The following KIF23 variants were observed in gnomAD, a reference collection of about 807,000 sequenced individuals.
KIF23 encodes kinesin-like protein KIF23.
KIF23 carries 30 observed loss-of-function variants against 137.5 expected under a neutral mutation model. The ratio of observed to expected loss-of-function variants is 0.22; its 90% confidence interval spans 0.16 to 0.30. The LOEUF (loss-of-function observed/expected upper bound fraction) is 0.30. Ranked by LOEUF, KIF23 falls within the 10% of genes least tolerant of loss-of-function variation. KIF23 has a pLI of 1.00. For missense variants in KIF23, 920 were observed against 1,194.3 expected (o/e 0.77, Z 3.38); for synonymous variants, 367 against 391.1 (o/e 0.94, Z 0.73).
intron 10 of KIF23, chr15:69,427,580 G>A (rs1249536024): frequency 7.6e-6 from 3 of 396,384 alleles, no homozygotes; most frequent in Non-Finnish European, 1.5e-5. Flanking sequence ...AGTGGCTAGT[G>A]TTATAAGTTG....
intron 11 of KIF23, among the ~76,000 whole-genome samples, chr15:69,433,299 A>G (rs2057398447): frequency 6.6e-6 from 1 of 152,238 alleles, no homozygotes; most frequent in African/African-American, 2.4e-5. Context: ...GCTGACCTCA[A>G]TCAAGGTTTC....
At position 69,440,299 on chromosome 15, in the gene KIF23, A is replaced by G; in HGVS notation, c.1930-9A>G. The G allele has an allele frequency of 6.2e-7, 1 of 1,606,248 alleles. No individual in the cohort carries two copies. Among genetic ancestry groups the G allele is most frequent in the Non-Finnish European group, 8.5e-7 (1 of 1,176,990 alleles). On this transcript the variant is annotated splice_polypyrimidine_tract_variant and intron_variant, in intron 17 of 23. Transcript: ENST00000679126. ...AATGATAATATACATTGCCACTGATAATCTGTAGGAGCGTAGAGTGGCAGC... is the reference window on the plus strand; with the variant it reads ...AATGATAATATACATTGCCACTGATGATCTGTAGGAGCGTAGAGTGGCAGC...
chr15:69,440,602 C>G, intron 18 of KIF23, 115 bp downstream of exon 18: 1 of 1,182,676 alleles, frequency 8.5e-7, no homozygotes. Context: ...TGAAATTTCT[C>G]TAAAAATATT....
In KIF23 at chr15:69,414,741, G is replaced by C. The variant is rs1216262491; in HGVS notation, c.11+265G>C. The C allele has an allele frequency of 7.8e-6, 3 of 382,768 alleles. No individual in the cohort carries two copies. The Admixed American group carries it at 1.4e-4, about 18-fold the overall frequency. 23.7% of individuals were successfully genotyped at this position (382,768 alleles called of 1,614,324 possible). A position where few individuals can be genotyped will look rare whatever the true frequency, so the allele number is the denominator to read the frequency against. On this transcript the variant is annotated intron_variant, in intron 1 of 23. Coordinates refer to ENST00000679126, the MANE Select transcript of KIF23 (RefSeq NM_001367805.3). Reference sequence around the variant, plus strand: ...GGCCAGGAAGGGTCGGCCCGGAGCCGGGGTTGTTTTACGCCGCACCCGGTT... The same window carrying C: ...GGCCAGGAAGGGTCGGCCCGGAGCCCGGGTTGTTTTACGCCGCACCCGGTT...
intron 18 of KIF23, 84 bp from the exon 19 acceptor site, chr15:69,440,684 C>T: frequency 8.3e-7 from 1 of 1,206,290 alleles, no homozygotes; most frequent in Non-Finnish European, 1.1e-6. Flanking sequence ...GTTAAGTCTT[C>T]ATGTGCTAAC....
chr15:69,444,962 C>T lies in KIF23; in HGVS notation c.2594C>T (p.Ala865Val). 2 of 1,614,134 alleles carry T rather than the reference C, an allele frequency of 1.2e-6. No individual in the cohort carries two copies. Among genetic ancestry groups the T allele is most frequent in the Non-Finnish European group, 1.7e-6 (2 of 1,180,014 alleles). ...AITVSVANEK[A>V]LAKCEKYMLT... ...ACAGTATCTGTTGCAAATGAAAAGG[C>T]ACTAGCTAAGTGTGAGAAGTACATG... The change falls in exon 20 of 24, where the codon GCA (alanine) becomes GTA (valine). Residue 865 changes from alanine (A) to valine (V), a missense_variant. Coordinates refer to ENST00000679126, the MANE Select transcript of KIF23 (RefSeq NM_001367805.3). This position sits in a 1 kb window ranked among gnomAD's most constrained non-coding sequence, Gnocchi z 4.2.
chr15:69,447,455 T>G (rs1306786673), intron 23 of KIF23, among the ~76,000 whole-genome samples: 2 of 152,194 alleles, frequency 1.3e-5, no homozygotes, highest in Non-Finnish European at 2.9e-5. Context: ...TTTTCCATAT[T>G]TTAATAAAAT....
intron 3 of KIF23, among the ~76,000 whole-genome samples, chr15:69,419,599 A>C (rs2057002805): frequency 1.3e-5 from 2 of 152,178 alleles, no homozygotes. Flanking sequence ...AGCACCCCAC[A>C]ACCCCTCTCC....
At chr15:69,434,852 G>T in intron 11 of KIF23, 1 of 808,288 alleles carries the variant, frequency 1.2e-6, no homozygotes, top group Non-Finnish European at 2.1e-6. Flanking sequence ...ACAGGGCATA[G>T]CTGCTCACGT....
intron 11 of KIF23, among the ~76,000 whole-genome samples, 180 bp downstream of exon 11, chr15:69,429,393 C>T (rs1445918256): frequency 6.6e-6 from 1 of 152,156 alleles, no homozygotes; most frequent in African/African-American, 2.4e-5. Context: ...CAGCCTCAAA[C>T]TCCTGGGCTC....
intron 11 of KIF23, among the ~76,000 whole-genome samples, chr15:69,432,292 A>G (rs1255166149): frequency 6.6e-6 from 1 of 152,168 alleles, no homozygotes; most frequent in Non-Finnish European, 1.5e-5. Context: ...CTTCTGAGGG[A>G]TAGGGTTTGG....
intron 10 of KIF23, chr15:69,427,507 G>C: frequency 2.2e-6 from 1 of 450,434 alleles, no homozygotes; most frequent in Non-Finnish European, 4.4e-6. Flanking sequence ...TCTGTAAGTG[G>C]AAATTCAGTT....
At chr15:69,436,310 C>G (rs772768636) in intron 14 of KIF23, 49 bp downstream of exon 14, 1 of 1,562,658 alleles carries the variant, frequency 6.4e-7, no homozygotes, top group East Asian at 2.3e-5. Context: ...CTGTCTGTTT[C>G]TCTCTTTTTT....
chr15:69,418,397 C>T (rs1466177414), intron 3 of KIF23, among the ~76,000 whole-genome samples: 3 of 152,106 alleles, frequency 2.0e-5, no homozygotes, highest in Admixed American at 1.3e-4. Context: ...TCAAATTTTA[C>T]ATGCCCAAAA....
At position 69,441,071 on chromosome 15, in the gene KIF23, T is replaced by C. The variant is rs1223495589; in HGVS notation, c.2413T>C (p.Cys805Arg). The change falls in exon 19 of 24, where the codon TGC (cysteine) becomes CGC (arginine). Residue 805 changes from cysteine (C) to arginine (R), a missense_variant. Physicochemically the swap from Cys to Arg is radical, Grantham distance 180. Coordinates refer to ENST00000679126, the MANE Select transcript of KIF23 (RefSeq NM_001367805.3). ...TGAGATAGAAATAGAAGAGGATCAT[T>C]GCGGCAGGGTTAGTGCCAGTATTAT... ...RNEIEIEEDH[C>R]GRLLFQPDQN... The C allele has an allele frequency of 1.9e-6, 3 of 1,609,904 alleles. No individual in the cohort carries two copies. Among genetic ancestry groups the C allele is most frequent in the African/African-American group, 1.3e-5 (1 of 74,984 alleles).
chr15:69,416,029 A>G lies in KIF23; in HGVS notation c.47A>G (p.Lys16Arg). 1 of 1,580,026 alleles carries G rather than the reference A, an allele frequency of 6.3e-7. No homozygotes were observed. Among genetic ancestry groups the G allele is most frequent in the South Asian group, 1.2e-5 (1 of 83,316 alleles). Reference sequence around the variant, plus strand: ...ACACCCCGGAAACCTACCGTGAAAAAAGGGTCCCAAACGAACCTTAAAGAC... The same window carrying G: ...ACACCCCGGAAACCTACCGTGAAAAGAGGGTCCCAAACGAACCTTAAAGAC... ...AKTPRKPTVK[K>R]GSQTNLKDPV... is the part of the protein sequence containing the mutation. Residue 16 changes from lysine to arginine, a missense_variant, in exon 2 of 24, where the codon AAA becomes AGA. Lys to Arg is a conservative substitution (Grantham distance 26). Transcript: ENST00000679126.
chr15:69,429,273 T>TCTGAA, intron 11 of KIF23, 60 bp downstream of exon 11: 1 of 1,109,036 alleles, frequency 9.0e-7, no homozygotes, highest in Non-Finnish European at 1.3e-6. Flanking sequence ...AATGCCAGTT[T>TCTGAA]ATTATCTACT....
intron 2 of KIF23, 66 bp downstream of exon 2, chr15:69,416,129 T>C (rs1322724939): frequency 8.8e-6 from 9 of 1,021,886 alleles, no homozygotes; most frequent in Non-Finnish European, 1.3e-5. Context: ...CTTTCTGTCT[T>C]ATGTGTATGC....
At position 69,422,459 on chromosome 15, in the gene KIF23, G is replaced by T. The variant is rs563728765; in HGVS notation, c.563+24G>T. 295 of 1,329,858 alleles carry T rather than the reference G, an allele frequency of 2.2e-4. 1 individual carries two copies. The highest frequency in any genetic ancestry group is 1.6e-3 in the South Asian group (135 of 85,022). The allele number at this position is 1,329,858 out of a possible 1,614,324, so 82.4% of individuals were successfully genotyped here. A position where few individuals can be genotyped will look rare whatever the true frequency, so the allele number is the denominator to read the frequency against. ...AAGTAAGTAATTATATTTGTCTGCA[G>T]CACTGGCCTAGGGGCACAGGATTCT... On this transcript the variant is annotated intron_variant, in intron 6 of 23. Transcript: ENST00000679126.
Sources: gnomAD v4.1 joint callset for allele counts (sites outside exome capture counted in the v4.1 genomes callset) on GRCh38, gnomAD v4.1.1 for gene constraint, Gnocchi (gnomAD v3.1) non-coding constraint, MANE v1.5 for transcripts, NCBI Gene and HGNC (gene_info 2026-07-23, HGNC 2026-07-21) for gene names.